The following XRCC4 variants were observed in gnomAD, a reference collection of about 807,000 sequenced individuals.
XRCC4 encodes the protein DNA repair protein XRCC4.
In XRCC4, 28 loss-of-function variants were observed where a neutral mutation model predicts 39.1. The ratio of observed to expected loss-of-function variants is 0.72; its 90% CI spans 0.53 to 0.98. The LOEUF (loss-of-function observed/expected upper bound fraction) is 0.98, where lower values mean the gene tolerates loss of function less well. Ranked by LOEUF, XRCC4 falls within the 50% of genes least tolerant of loss-of-function variation. XRCC4 has a pLI of 0.00. For synonymous variants in XRCC4, 123 were observed against 126.4 expected, an observed-to-expected ratio of 0.97 and a Z score of 0.18; for missense variants, 350 against 376.4, an observed-to-expected ratio of 0.93 and a Z score of 0.58.
chr5:83,297,895 C>A (rs1755148955), intron 7 of XRCC4, among the ~76,000 whole-genome samples: 2 of 152,082 alleles, frequency 1.3e-5, no homozygotes, highest in African/African-American at 2.4e-5. Context: ...CCAAAAACAG[C>A]AGATTAACAG....
At chr5:83,138,370 T>G (rs1748002049) in intron 3 of XRCC4, among the ~76,000 whole-genome samples, 1 of 152,102 alleles carries the variant, frequency 6.6e-6, no homozygotes, top group East Asian at 1.9e-4. Flanking sequence ...AAATTGGGAG[T>G]GGCTTGGGTC....
chr5:83,276,304 A>G (rs1404522078), intron 7 of XRCC4, among the ~76,000 whole-genome samples: 1 of 152,184 alleles, frequency 6.6e-6, no homozygotes, highest in Admixed American at 6.5e-5. Flanking sequence ...GATGTTTGGT[A>G]GATGGTATGG....
chr5:83,104,208 C>T (rs1746086720), intron 1 of XRCC4, among the ~76,000 whole-genome samples: 1 of 152,128 alleles, frequency 6.6e-6, no homozygotes, highest in East Asian at 1.9e-4. Flanking sequence ...CAAGGCATGA[C>T]TGGATACTAT....
At chr5:83,279,091 TA>T (rs1024100548) in intron 7 of XRCC4, among the ~76,000 whole-genome samples, 23 of 143,068 alleles carry the variant, frequency 1.6e-4, no homozygotes, top group Non-Finnish European at 2.6e-4. Context: ...TATTATAAAA[TA>T]TATATAATAT....
At position 83,205,121 on chromosome 5, in the gene XRCC4, A is replaced by G. The variant is rs1751368924; in HGVS notation, c.745+200A>G. Among the ~76,000 whole-genome samples, 3 of 152,174 alleles carry G rather than the reference A, an allele frequency of 2.0e-5. No homozygotes were observed. In the South Asian group the frequency reaches 6.2e-4, roughly 31 times the overall value. ...AAATGCAGCAACTCATTAGCACAGCAGTGTGAGCAAGCATTCATACACATA... is the reference window on the plus strand; with the variant it reads ...AAATGCAGCAACTCATTAGCACAGCGGTGTGAGCAAGCATTCATACACATA... On this transcript the variant is annotated intron_variant, in intron 6 of 7. Coordinates refer to ENST00000396027, the MANE Select transcript of XRCC4 (RefSeq NM_003401.5).
At chr5:83,173,887 C>CTT (rs1749837772) in intron 3 of XRCC4, among the ~76,000 whole-genome samples, 1 of 152,180 alleles carries the variant, frequency 6.6e-6, no homozygotes, top group African/African-American at 2.4e-5. Flanking sequence ...GAACAAGTCT[C>CTT]TTAAGAAGCA....
At chr5:83,321,926 T>C (rs1411175260) in intron 7 of XRCC4, among the ~76,000 whole-genome samples, 1 of 151,126 alleles carries the variant, frequency 6.6e-6, no homozygotes, top group Admixed American at 6.7e-5. Context: ...TTACTCAGTG[T>C]CTGAGAGATT....
At chr5:83,283,408 C>A (rs1196758358) in intron 7 of XRCC4, among the ~76,000 whole-genome samples, 1 of 152,134 alleles carries the variant, frequency 6.6e-6, no homozygotes, top group Non-Finnish European at 1.5e-5. Context: ...CTAGTTGGAG[C>A]ATTCATCATT....
At chr5:83,156,177 G>C (rs1748951044) in intron 3 of XRCC4, among the ~76,000 whole-genome samples, 1 of 151,804 alleles carries the variant, frequency 6.6e-6, no homozygotes, top group South Asian at 2.1e-4. Flanking sequence ...ACTGTAGTTT[G>C]TTTCGTAGTT....
chr5:83,209,171 T>C (rs1490408658), intron 6 of XRCC4, among the ~76,000 whole-genome samples: 2 of 151,826 alleles, frequency 1.3e-5, no homozygotes, highest in Non-Finnish European at 2.9e-5. Context: ...GAAACAGTCT[T>C]CCCTATAAGA....
chr5:83,295,072 CAG>C (rs1755048073), intron 7 of XRCC4, among the ~76,000 whole-genome samples: 1 of 151,976 alleles, frequency 6.6e-6, no homozygotes, highest in South Asian at 2.1e-4. Flanking sequence ...GAGGAGTTTG[CAG>C]ACTCTTCAAA....
chr5:83,219,572 ACTGT>A (rs754204279), intron 6 of XRCC4, among the ~76,000 whole-genome samples: 2 of 152,174 alleles, frequency 1.3e-5, no homozygotes, highest in African/African-American at 2.4e-5. Flanking sequence ...TAGCTAAATC[ACTGT>A]CTGTCTGTGC....
chr5:83,343,404 C>T (rs1330843619), intron 7 of XRCC4, among the ~76,000 whole-genome samples: 3 of 152,128 alleles, frequency 2.0e-5, no homozygotes, highest in Non-Finnish European at 2.9e-5. Context: ...GAAAACATCG[C>T]CTGTTCTTCT....
At chr5:83,275,296 G>GT (rs59794451) in intron 7 of XRCC4, among the ~76,000 whole-genome samples, 9,456 of 141,460 alleles carry the variant, frequency 0.067, 757 homozygotes, top group African/African-American at 0.19. Context: ...GCTAGGTTAG[G>GT]TTTTTTTTTT....
intron 3 of XRCC4, among the ~76,000 whole-genome samples, chr5:83,146,957 A>G (rs943333258): frequency 2.6e-5 from 4 of 152,244 alleles, no homozygotes; most frequent in Non-Finnish European, 5.9e-5. Flanking sequence ...TTGCTGGAAG[A>G]GAGAATATTA....
intron 2 of XRCC4, among the ~76,000 whole-genome samples, chr5:83,108,363 G>C (rs1466975427): frequency 1.3e-5 from 2 of 151,810 alleles, no homozygotes; most frequent in Non-Finnish European, 2.9e-5. Flanking sequence ...GTACATTTTT[G>C]AACAAATAGC....
chr5:83,348,971 CA>C (rs1036174886), intron 7 of XRCC4, among the ~76,000 whole-genome samples: 5 of 152,144 alleles, frequency 3.3e-5, no homozygotes, highest in African/African-American at 1.2e-4. Context: ...TCCTTATCTC[CA>C]TCTGAGACCA....
chr5:83,088,230 A>G (rs1302271535), intron 1 of XRCC4, among the ~76,000 whole-genome samples: 1 of 152,186 alleles, frequency 6.6e-6, no homozygotes, highest in Non-Finnish European at 1.5e-5. Flanking sequence ...GCAAAATTCT[A>G]TACTACCTTG....
chr5:83,129,002 G>C (rs1418144937), intron 3 of XRCC4, among the ~76,000 whole-genome samples: 1 of 151,980 alleles, frequency 6.6e-6, no homozygotes, highest in Non-Finnish European at 1.5e-5. Flanking sequence ...TGTCAATTTT[G>C]GCTTTTGTTG....
Sources: allele counts gnomAD v4.1 joint callset (sites outside exome capture counted in the v4.1 genomes callset), GRCh38; gene constraint gnomAD v4.1.1; transcripts MANE v1.5; gene names NCBI Gene and HGNC (gene_info 2026-07-23, HGNC 2026-07-21).